Variants in FANCD2 observed in about 807,000 individuals in gnomAD.
FANCD2 encodes FA complementation group D2, also known as Fanconi anemia group D2 protein.
FANCD2 carries 131 observed loss-of-function variants against 192.3 expected under a neutral mutation model. That is an observed-to-expected ratio of 0.68 (90% CI 0.59 to 0.79). The LOEUF (loss-of-function observed/expected upper bound fraction) is 0.79. Ranked by LOEUF, FANCD2 falls within the 30% of genes least tolerant of loss-of-function variation. The probability of loss-of-function intolerance (pLI) is 0.00; values close to 1 mark genes in which losing one functional copy is unlikely to be tolerated. For synonymous variants in FANCD2, 524 were observed against 612.5 expected (o/e 0.86, Z 2.13); for missense variants, 1,508 against 1,701.6 (o/e 0.89, Z 2.00).
chr3:10,068,560 C>T (rs1343674142), intron 26 of FANCD2, among the ~76,000 whole-genome samples: 1 of 151,512 alleles, frequency 6.6e-6, no homozygotes, highest in East Asian at 1.9e-4. Context: ...TTAAAATTTC[C>T]ATGCTACCCA....
chr3:10,037,648 G>A (rs531835883), intron 7 of FANCD2: 23 of 152,214 alleles, frequency 1.5e-4, no homozygotes, highest in African/African-American at 3.6e-4. Flanking sequence ...GAAGTGTTCC[G>A]TATATTGAAA....
rs1482033516 is a variant in FANCD2 at position 10,064,826 on chromosome 3, G to T, written c.2119G>T (p.Asp707Tyr). Reference sequence around the variant, plus strand: ...CCTCCTGCCGCTGCTGTTTTCTCAGGACTTTGCAAAAGATGGGGGTCCGGT... The same window carrying T: ...CCTCCTGCCGCTGCTGTTTTCTCAGTACTTTGCAAAAGATGGGGGTCCGGT... ...INLLPLLFSQ[D>Y]FAKDGGPVTS... is the part of the protein sequence containing the mutation. The change falls in exon 23 of 44, where the codon GAC (aspartate) becomes TAC (tyrosine). Residue 707 changes from aspartate (D) to tyrosine (Y), a missense_variant. Coordinates refer to ENST00000675286, the MANE Select transcript of FANCD2 (RefSeq NM_001018115.3). The T allele has an allele frequency of 1.2e-6, 2 of 1,613,828 alleles. No individual in the cohort carries two copies. Among genetic ancestry groups the T allele is most frequent in the South Asian group, 1.1e-5 (1 of 91,088 alleles).
At chr3:10,054,436 CATGTATATACATATAT>C (rs1470279756) in intron 18 of FANCD2, among the ~76,000 whole-genome samples, 50 of 56,580 alleles carry the variant, frequency 8.8e-4, no homozygotes, top group Non-Finnish European at 8.7e-4. Flanking sequence ...CATGTATATA[CATGTATATACATATAT>C]ATATATATAT....
rs1237529867 is a variant in FANCD2, at chr3:10,064,880, G to C, written c.2168+5G>C. 6.2e-7 allele frequency: 1 copy of C among 1,613,734 alleles called. No homozygotes were observed. Among genetic ancestry groups the C allele is most frequent in the East Asian group, 2.2e-5 (1 of 44,886 alleles). On this transcript the variant is annotated splice_donor_5th_base_variant and intron_variant, in intron 23 of 43. Coordinates refer to ENST00000675286, the MANE Select transcript of FANCD2 (RefSeq NM_001018115.3). ...CTCACAGGAATCAGGCCAAAAGTCA[G>C]TATAGTTTTTCTTTTCTAAACCTGT...
intron 2 of FANCD2, among the ~76,000 whole-genome samples, chr3:10,031,131 C>G (rs1215435319): frequency 1.3e-5 from 2 of 152,096 alleles, no homozygotes; most frequent in Non-Finnish European, 2.9e-5. Context: ...CAAACTGAAA[C>G]TTTCATTCTG....
intron 25 of FANCD2, 37 bp from the exon 26 acceptor site, chr3:10,067,172 C>T (rs1338970859): frequency 7.8e-7 from 1 of 1,286,172 alleles, no homozygotes. Flanking sequence ...AAAATCTGAA[C>T]ATTTGGAAGT....
intron 18 of FANCD2, 95 bp downstream of exon 18, chr3:10,052,592 C>G (rs1462250390): frequency 2.4e-6 from 2 of 826,360 alleles, no homozygotes; most frequent in African/African-American, 1.7e-5. Flanking sequence ...GATCTCAGCT[C>G]ATTGCAACCT....
chr3:10,058,204 C>T (rs752525444), intron 18 of FANCD2: 6 of 285,224 alleles, frequency 2.1e-5, no homozygotes, highest in Non-Finnish European at 4.2e-5. Flanking sequence ...TAGGCCCACT[C>T]TTGTGCTTGT....
rs756621826 is a variant in FANCD2, at chr3:10,041,705, T to C, written c.778T>C (p.Leu260=). The C allele has an allele frequency of 3.7e-6, 6 of 1,613,048 alleles. No homozygotes were observed. The highest frequency in any genetic ancestry group is 2.7e-5 in the African/African-American group (2 of 74,892). Residue 260 remains leucine, a synonymous_variant, in exon 10 of 44, where the codon TTG becomes CTG. Coordinates refer to ENST00000675286, the MANE Select transcript of FANCD2 (RefSeq NM_001018115.3). ...SSLRLDPNFL[L]KVRQLVMDKL... ...CCTCCGACTTGACCCAAACTTCCTA[T>C]TGAAGGTAGAAAAGACTCAGCTTTC...
intron 29 of FANCD2, among the ~76,000 whole-genome samples, chr3:10,076,094 T>C (rs1693527229): frequency 1.3e-5 from 2 of 151,426 alleles, no homozygotes; most frequent in South Asian, 4.2e-4. Context: ...GCCACATAAA[T>C]GTGTATTGAG....
In FANCD2 at chr3:10,064,126, T is replaced by C. The variant is rs554672515; in HGVS notation, c.1947+215T>C. Among the ~76,000 whole-genome samples the C allele has an allele frequency of 6.6e-5, 10 of 152,372 alleles. No individual in the cohort carries two copies. The South Asian group carries it at 1.9e-3, about 28-fold the overall frequency. On this transcript the variant is annotated intron_variant, in intron 21 of 43. Transcript: ENST00000675286. The stretch of plus-strand genomic sequence containing the variant: ...ACGATAGTAAAGAAGAGATTGACTT[T>C]GTTAATGATGATGGCTATTATCTGT...
At chr3:10,072,399 C>G (rs1395222884) in intron 26 of FANCD2, among the ~76,000 whole-genome samples, 2 of 151,968 alleles carry the variant, frequency 1.3e-5, no homozygotes, top group African/African-American at 4.8e-5. Flanking sequence ...CTGCCACAGC[C>G]TCCCAAGTAG....
chr3:10,029,627 G>A (rs936491139), intron 2 of FANCD2, among the ~76,000 whole-genome samples: 1 of 152,076 alleles, frequency 6.6e-6, no homozygotes, highest in Non-Finnish European at 1.5e-5. Context: ...GGTGGTGTTC[G>A]GTTACATAAA....
chr3:10,087,270 G>A lies in FANCD2; in HGVS notation c.3466+6G>A, dbSNP rs1236535224. On this transcript the variant is annotated splice_donor_region_variant and intron_variant, in intron 34 of 43. Coordinates refer to ENST00000675286, the MANE Select transcript of FANCD2 (RefSeq NM_001018115.3). ...TCAGAACAAAGAAAAAATTGGTGAT[G>A]GGCCTAGATCCTTTTTTTTTTTTTT... 7 of 1,583,110 alleles carry A rather than the reference G, an allele frequency of 4.4e-6. No individual in the cohort carries two copies. The East Asian group carries it at 1.1e-4, about 26-fold the overall frequency.
At chr3:10,078,847 T>C (rs9827740) in intron 30 of FANCD2, among the ~76,000 whole-genome samples, 34,256 of 151,354 alleles carry the variant, frequency 0.23, 4,989 homozygotes, top group African/African-American at 0.42. Flanking sequence ...CAGCTATAGT[T>C]CCAGCTACTT....
intron 18 of FANCD2, among the ~76,000 whole-genome samples, chr3:10,054,460 TATATATATA>T (rs2087336690): frequency 1.1e-4 from 3 of 26,988 alleles, no homozygotes; most frequent in Non-Finnish European, 2.5e-4. Flanking sequence ...TATATATATA[TATATATATA>T]TATATTTTTT....
In FANCD2 at chr3:10,093,459, G is replaced by A. The variant is rs192494494; in HGVS notation, c.3888+136G>A. ...CAGAATCTATGCCAGTTTAGGGAAG[G>A]CAATGGATGCATTTTCCCACCCTAG... On this transcript the variant is annotated intron_variant, in intron 39 of 43. Transcript: ENST00000675286. 2.8e-5 allele frequency: 22 copies of A among 785,576 alleles called. 1 individual carries two copies. The East Asian group carries it at 5.5e-4, about 20-fold the overall frequency. 48.7% of individuals were successfully genotyped at this position (785,576 alleles called of 1,614,324 possible).
At chr3:10,047,464 A>G (rs7612908) in intron 15 of FANCD2, among the ~76,000 whole-genome samples, 25,651 of 150,390 alleles carry the variant, frequency 0.17, 232 homozygotes, top group African/African-American at 0.26. Context: ...ATGTCTATGT[A>G]CATTGAATTA....
At chr3:10,046,955 T>C (rs556259383) in intron 15 of FANCD2, among the ~76,000 whole-genome samples, 1 of 152,422 alleles carries the variant, frequency 6.6e-6, no homozygotes, top group East Asian at 1.9e-4. Context: ...AGGACCAGCC[T>C]GTAGAAACTA....
Sources: allele counts gnomAD v4.1 joint callset (sites outside exome capture counted in the v4.1 genomes callset), GRCh38; gene constraint gnomAD v4.1.1; transcripts MANE v1.5; gene names NCBI Gene and HGNC (gene_info 2026-07-23, HGNC 2026-07-21).